SCN7A: variants seen among roughly 807,000 people sequenced by gnomAD.
SCN7A encodes sodium channel protein type 7 subunit alpha.
A neutral mutation model predicts 155.2 loss-of-function variants in SCN7A; 138 were observed. That is an observed-to-expected ratio of 0.89 (90% CI 0.77 to 1.02). The LOEUF (loss-of-function observed/expected upper bound fraction) is 1.02, where lower values mean the gene tolerates loss of function less well. Among genes scored for constraint, SCN7A ranks in the 50% least tolerant of loss-of-function variants. The pLI is 0.00. For synonymous variants in SCN7A, 693 were observed against 649.0 expected, an observed-to-expected ratio of 1.07 and a Z score of -1.03; for missense variants, 2,058 against 1,986.6, an observed-to-expected ratio of 1.04 and a Z score of -0.68.
At chr2:166,462,734 C>T (rs367567379) in intron 9 of SCN7A, among the ~76,000 whole-genome samples, 2 of 151,932 alleles carry the variant, frequency 1.3e-5, no homozygotes, top group African/African-American at 4.8e-5. Context: ...GTTAATTAAG[C>T]GAAAATAAAA....
intron 22 of SCN7A, among the ~76,000 whole-genome samples, 168 bp downstream of exon 22, chr2:166,412,900 G>A (rs1029235450): frequency 6.6e-6 from 1 of 151,844 alleles, no homozygotes; most frequent in African/African-American, 2.4e-5. Flanking sequence ...GGACCTATGG[G>A]GCCTCAATCA....
rs984810656 is a variant in SCN7A, at chr2:166,432,758, T to C, written c.2158-6A>G. On this transcript the variant is annotated splice_region_variant and splice_polypyrimidine_tract_variant and intron_variant, in intron 15 of 25. Coordinates refer to ENST00000643258, the MANE Select transcript of SCN7A (RefSeq NM_002976.4). The stretch of plus-strand genomic sequence containing the variant: ...GCCAGAAACAGGTAAAGTACCTAAA[T>C]AAGGAAGTAAAATGAGGCTAAATGT... 7 of 1,511,356 alleles carry C rather than the reference T, an allele frequency of 4.6e-6. No individual in the cohort carries two copies. The African/African-American group carries it at 9.8e-5, about 21-fold the overall frequency. 93.6% of individuals were successfully genotyped at this position (1,511,356 alleles called of 1,614,324 possible).
chr2:166,427,796 C>T lies in SCN7A; in HGVS notation c.2845G>A (p.Gly949Ser), dbSNP rs765022380. 1.0e-5 allele frequency: 16 copies of T among 1,607,840 alleles called. 1 individual carries two copies. The highest frequency in any genetic ancestry group is 1.3e-5 in the Non-Finnish European group (15 of 1,176,644). ...FIGLVTLLST[G>S]TLAFEDIYMD... Reference sequence around the variant, plus strand: ...CCTGGCTGCCCACTTACCAGAGTGCCAGTGCTGAGCAGAGTAACAAGCCCA... The same window carrying T: ...CCTGGCTGCCCACTTACCAGAGTGCTAGTGCTGAGCAGAGTAACAAGCCCA... The change falls in exon 18 of 26, where the codon GGC becomes AGC. Residue 949 changes from glycine to serine, a missense_variant. By Grantham distance (56) the Gly-to-Ser change is moderately conservative. Transcript: ENST00000643258.
intron 6 of SCN7A, among the ~76,000 whole-genome samples, chr2:166,471,622 G>A (rs532770918): frequency 1.3e-5 from 2 of 151,158 alleles, no homozygotes; most frequent in South Asian, 2.1e-4. Flanking sequence ...AGAGTTTGAT[G>A]CCAGTAATGA....
chr2:166,477,271 A>G (rs1702819262), intron 3 of SCN7A, among the ~76,000 whole-genome samples, 192 bp downstream of exon 3: 2 of 152,012 alleles, frequency 1.3e-5, no homozygotes, highest in African/African-American at 4.8e-5. Flanking sequence ...ACCAGGTAAG[A>G]TATCAGTTTT....
rs1039212019 is a variant in SCN7A at position 166,405,455 on chromosome 2, T to C, written c.*125A>G. ...TGAATTTGGCATGAAGTCTTGTGAATACAAGCTTAATTACCATCGGTTGTA... is the reference window on the plus strand; with the variant it reads ...TGAATTTGGCATGAAGTCTTGTGAACACAAGCTTAATTACCATCGGTTGTA... On this transcript the variant is annotated 3_prime_UTR_variant, in exon 26 of 26. Transcript: ENST00000643258. 6 of 722,990 alleles carry C rather than the reference T, an allele frequency of 8.3e-6. No homozygotes were observed. The highest frequency in any genetic ancestry group is 5.4e-5 in the African/African-American group (3 of 55,996). The allele number at this position is 722,990 out of a possible 1,614,324, so 44.8% of individuals were successfully genotyped here. A position where few individuals can be genotyped will look rare whatever the true frequency, so the allele number is the denominator to read the frequency against.
At chr2:166,469,623 A>T (rs1238739110) in intron 7 of SCN7A, among the ~76,000 whole-genome samples, 1 of 151,730 alleles carries the variant, frequency 6.6e-6, no homozygotes, top group Non-Finnish European at 1.5e-5. Flanking sequence ...TTCTTCTTGT[A>T]TTATTACAAC....
At chr2:166,407,808 A>G (rs1701107948) in intron 25 of SCN7A, among the ~76,000 whole-genome samples, 1 of 151,814 alleles carries the variant, frequency 6.6e-6, no homozygotes, top group Admixed American at 6.6e-5. Flanking sequence ...TTTGTTACAC[A>G]GGTATACATG....
intron 7 of SCN7A, among the ~76,000 whole-genome samples, chr2:166,469,988 A>T (rs1451974033): frequency 6.6e-6 from 1 of 151,886 alleles, no homozygotes; most frequent in Non-Finnish European, 1.5e-5. Context: ...CAGCTGAAAC[A>T]TTCTGGGTAG....
At position 166,405,558 on chromosome 2, in the gene SCN7A, T is replaced by C. The variant is rs749158130; in HGVS notation, c.*22A>G. 6.8e-7 allele frequency: 1 copy of C among 1,474,958 alleles called. No homozygotes were observed. The highest frequency in any genetic ancestry group is 9.1e-7 in the Non-Finnish European group (1 of 1,097,386). 91.4% of individuals were successfully genotyped at this position (1,474,958 alleles called of 1,614,324 possible). A position where few individuals can be genotyped will look rare whatever the true frequency, so the allele number is the denominator to read the frequency against. ...CATTTTTCAGATATGTGAAGAAATATGAAAAGAGGTGGTAAGTGGTATTAG... is the reference window on the plus strand; with the variant it reads ...CATTTTTCAGATATGTGAAGAAATACGAAAAGAGGTGGTAAGTGGTATTAG... On this transcript the variant is annotated 3_prime_UTR_variant, in exon 26 of 26. Transcript: ENST00000643258.
At position 166,443,509 on chromosome 2, in the gene SCN7A, G is replaced by C. The variant is rs1320902969; in HGVS notation, c.1794C>G (p.Phe598Leu). ...NVAGMALLRL[F>L]RMLRIFKLGK... The stretch of plus-strand genomic sequence containing the variant: ...GGTATTGGATTCTACTTACCATCCT[G>C]AATAATCGAAGAAGAGCCATTCCTG... Residue 598 changes from phenylalanine to leucine, a missense_variant, in exon 14 of 26, where the codon TTC becomes TTG. Coordinates refer to ENST00000643258, the MANE Select transcript of SCN7A (RefSeq NM_002976.4). The C allele has an allele frequency of 6.3e-7, 1 of 1,591,574 alleles. No homozygotes were observed. Among genetic ancestry groups the C allele is most frequent in the South Asian group, 1.2e-5 (1 of 86,368 alleles).
At chr2:166,429,132 A>T (rs1420382304) in intron 17 of SCN7A, 37 bp downstream of exon 17, 6 of 1,196,870 alleles carry the variant, frequency 5.0e-6, no homozygotes, top group Admixed American at 2.4e-5. Flanking sequence ...TTATAATTCA[A>T]ATTAGTTTCC....
chr2:166,478,247 T>C (rs1702844354), intron 2 of SCN7A, among the ~76,000 whole-genome samples: 1 of 151,300 alleles, frequency 6.6e-6, no homozygotes, highest in Non-Finnish European at 1.5e-5. Flanking sequence ...CATGTATACA[T>C]ATGTAACAAA....
intron 6 of SCN7A, among the ~76,000 whole-genome samples, chr2:166,470,940 A>G (rs1356564756): frequency 6.6e-6 from 1 of 151,872 alleles, no homozygotes; most frequent in Non-Finnish European, 1.5e-5. Flanking sequence ...AAAGTTTGAC[A>G]CTGTGAATGC....
At chr2:166,484,091 T>C (rs923533585) in intron 2 of SCN7A, among the ~76,000 whole-genome samples, 2 of 152,040 alleles carry the variant, frequency 1.3e-5, no homozygotes, top group Non-Finnish European at 2.9e-5. Flanking sequence ...TAATAATTTT[T>C]TTAACACTAA....
intron 3 of SCN7A, among the ~76,000 whole-genome samples, chr2:166,475,426 AAT>A (rs1702776874): frequency 6.6e-6 from 1 of 151,146 alleles, no homozygotes; most frequent in African/African-American, 2.4e-5. Flanking sequence ...ACTTAGTACA[AAT>A]ATACATTCAA....
intron 2 of SCN7A, among the ~76,000 whole-genome samples, chr2:166,482,443 T>C (rs1274170655): frequency 6.6e-6 from 1 of 151,950 alleles, no homozygotes; most frequent in Non-Finnish European, 1.5e-5. Context: ...AAGAAAATAA[T>C]CTTGGACTCT....
At chr2:166,425,170 A>G (rs1290503227) in intron 18 of SCN7A, among the ~76,000 whole-genome samples, 2 of 152,096 alleles carry the variant, frequency 1.3e-5, no homozygotes, top group African/African-American at 4.8e-5. Flanking sequence ...TTTCTTGAGG[A>G]TTATGAAGAG....
At chr2:166,466,036 G>T in intron 7 of SCN7A, 49 bp from the exon 8 acceptor site, 1 of 1,373,954 alleles carries the variant, frequency 7.3e-7, no homozygotes, top group South Asian at 1.3e-5. Flanking sequence ...TCTTAGAAAA[G>T]CACTATTGGC....
Sources: gnomAD v4.1 joint callset for allele counts (sites outside exome capture counted in the v4.1 genomes callset) on GRCh38, gnomAD v4.1.1 for gene constraint, MANE v1.5 for transcripts, NCBI Gene and HGNC (gene_info 2026-07-23, HGNC 2026-07-21) for gene names.